IGFBP2: variants seen among roughly 807,000 people sequenced by gnomAD.
IGFBP2 encodes the protein insulin like growth factor binding protein 2, also known as insulin-like growth factor-binding protein 2.
IGFBP2 carries 12 observed loss-of-function variants against 26.2 expected under a neutral mutation model. That is an observed-to-expected ratio of 0.46 (90% CI 0.29 to 0.74). The LOEUF is 0.74. Among genes scored for constraint, IGFBP2 ranks in the 30% least tolerant of loss-of-function variants. The pLI, the probability that IGFBP2 is intolerant of heterozygous loss-of-function variation, is 0.09. For missense variants in IGFBP2, 328 were observed against 441.2 expected (o/e 0.74, Z 2.30); for synonymous variants, 189 against 200.6 (o/e 0.94, Z 0.49).
At chr2:216,641,688 ATTTT>A (rs71401159) in intron 1 of IGFBP2, among the ~76,000 whole-genome samples, 1 of 133,388 alleles carries the variant, frequency 7.5e-6, no homozygotes. Context: ...TCGGGCTTGC[ATTTT>A]TTTTTTTTTT....
chr2:216,651,724 T>G (rs1697828233), intron 1 of IGFBP2, among the ~76,000 whole-genome samples: 1 of 152,236 alleles, frequency 6.6e-6, no homozygotes, highest in African/African-American at 2.4e-5. Context: ...AGATATAACT[T>G]TTATTTACCC....
chr2:216,651,659 C>T (rs573046879), intron 1 of IGFBP2, among the ~76,000 whole-genome samples: 1 of 152,312 alleles, frequency 6.6e-6, no homozygotes, highest in East Asian at 1.9e-4. Flanking sequence ...TCATTTTTTC[C>T]ATGCATTTGG....
At chr2:216,638,889 A>T (rs1347136498) in intron 1 of IGFBP2, among the ~76,000 whole-genome samples, 1 of 148,482 alleles carries the variant, frequency 6.7e-6, no homozygotes, top group Non-Finnish European at 1.5e-5. Flanking sequence ...TTTAGTAGAG[A>T]CGGGGTTTCA....
chr2:216,642,369 C>T lies in IGFBP2; in HGVS notation c.442+8404C>T, dbSNP rs566831813. ...TCACCCAGGCTGGAGTGCAGTGGCGCGATCTCGGCTCACTGCAAGCCCGCC... is the reference window on the plus strand; with the variant it reads ...TCACCCAGGCTGGAGTGCAGTGGCGTGATCTCGGCTCACTGCAAGCCCGCC... On this transcript the variant is annotated intron_variant, in intron 1 of 3. Coordinates refer to ENST00000233809, the MANE Select transcript of IGFBP2 (RefSeq NM_000597.3). Among the ~76,000 whole-genome samples, 673 of 145,470 alleles carry T rather than the reference C, an allele frequency of 4.6e-3. 7 individuals carry two copies. Among genetic ancestry groups the T allele is most frequent in the African/African-American group, 0.017 (639 of 38,270 alleles).
chr2:216,662,370 G>C (rs368201900), intron 3 of IGFBP2: 14 of 257,674 alleles, frequency 5.4e-5, no homozygotes, highest in South Asian at 5.2e-4. Flanking sequence ...TGGTAGGTCA[G>C]GTTTACAGCT....
chr2:216,654,561 A>G (rs1396480123), intron 1 of IGFBP2, among the ~76,000 whole-genome samples: 2 of 152,222 alleles, frequency 1.3e-5, no homozygotes, highest in African/African-American at 4.8e-5. Flanking sequence ...TTCTCAGCCT[A>G]CAATGCTTTC....
chr2:216,661,708 C>CT, intron 2 of IGFBP2, 150 bp from the exon 3 acceptor site: 1 of 864,692 alleles, frequency 1.2e-6, no homozygotes, highest in Admixed American at 2.0e-5. Flanking sequence ...CCCGGGCAGG[C>CT]TGTCAGAAGT....
chr2:216,661,917 G>T lies in IGFBP2; in HGVS notation c.732G>T (p.Pro244=). The change falls in exon 3 of 4, where the codon CCG becomes CCT. Residue 244 remains proline, a synonymous_variant. Transcript: ENST00000233809. ...AGCGGATCTCCACCATGCGCCTTCCGGATGAGCGGGGCCCTCTGGAGCACC... is the reference window on the plus strand; with the variant it reads ...AGCGGATCTCCACCATGCGCCTTCCTGATGAGCGGGGCCCTCTGGAGCACC... The part of the protein sequence containing the change: ...VLERISTMRL[P]DERGPLEHLY... 6.2e-7 allele frequency: 1 copy of T among 1,614,166 alleles called. No homozygotes were observed. The highest frequency in any genetic ancestry group is 8.5e-7 in the Non-Finnish European group (1 of 1,180,008).
intron 1 of IGFBP2, among the ~76,000 whole-genome samples, chr2:216,653,746 C>G (rs1273327318): frequency 6.6e-6 from 1 of 152,200 alleles, no homozygotes; most frequent in Non-Finnish European, 1.5e-5. Flanking sequence ...AAGCCCCCGA[C>G]TAATGGCTCT....
rs755721834 is a variant in IGFBP2 at position 216,634,006 on chromosome 2, G to T, written c.442+41G>T. 3.9e-6 allele frequency: 6 copies of T among 1,545,648 alleles called. No individual in the cohort carries two copies. In the South Asian group the frequency reaches 7.1e-5, roughly 18 times the overall value. ...ACAAGTAGTTGGGAGAAACTTGGAG[G>T]GCAGCGGAGAAGCCCGACGGGCGGC... On this transcript the variant is annotated intron_variant, in intron 1 of 3. Transcript: ENST00000233809.
At chr2:216,642,700 T>C (rs1697640888) in intron 1 of IGFBP2, among the ~76,000 whole-genome samples, 1 of 152,182 alleles carries the variant, frequency 6.6e-6, no homozygotes, top group African/African-American at 2.4e-5. Context: ...GGAGCTTCTG[T>C]CTGCAGTGTC....
chr2:216,637,408 GT>G (rs1401732455), intron 1 of IGFBP2, among the ~76,000 whole-genome samples: 1 of 152,244 alleles, frequency 6.6e-6, no homozygotes, highest in Non-Finnish European at 1.5e-5. Context: ...GAGGCAAGTG[GT>G]GTTCTTTCTG....
chr2:216,657,730 C>T (rs143254075), intron 1 of IGFBP2, among the ~76,000 whole-genome samples: 2,751 of 152,284 alleles, frequency 0.018, 34 homozygotes, highest in South Asian at 0.059. Context: ...AGCCTGGAGG[C>T]GCACGCTAAA....
At chr2:216,661,239 A>G (rs1156424922) in intron 2 of IGFBP2, 1 of 265,524 alleles carries the variant, frequency 3.8e-6, no homozygotes, top group East Asian at 1.0e-4. Context: ...AACAGCTGGG[A>G]CTATAGGCAT....
At chr2:216,642,491 A>G (rs989210357) in intron 1 of IGFBP2, among the ~76,000 whole-genome samples, 9 of 149,616 alleles carry the variant, frequency 6.0e-5, no homozygotes, top group African/African-American at 2.2e-4. Flanking sequence ...TATTTTTAGT[A>G]GAGACGGGGT....
intron 2 of IGFBP2, 28 bp downstream of exon 2, chr2:216,660,814 G>A: frequency 6.5e-7 from 1 of 1,532,992 alleles, no homozygotes. Context: ...CTGGTGGAAG[G>A]GGTGGGAGGA....
intron 1 of IGFBP2, among the ~76,000 whole-genome samples, chr2:216,658,118 T>C (rs1559179799): frequency 6.6e-6 from 1 of 152,200 alleles, no homozygotes; most frequent in African/African-American, 2.4e-5. Flanking sequence ...TTTGTATGTT[T>C]TGTTTTCTTA....
rs554375047 is a variant in IGFBP2 at position 216,660,906 on chromosome 2, T to G, written c.672+120T>G. 1.9e-4 allele frequency: 140 copies of G among 741,022 alleles called. 1 individual carries two copies. The highest frequency in any genetic ancestry group is 2.9e-4 in the Non-Finnish European group (128 of 448,970). The allele number at this position is 741,022 out of a possible 1,614,324, so 45.9% of individuals were successfully genotyped here. A position where few individuals can be genotyped will look rare whatever the true frequency, so the allele number is the denominator to read the frequency against. Reference sequence around the variant, plus strand: ...GTGACCTGTAGGCAAAGCACTTTTCTTTCCACAAACATAGTTGTGGAACAT... The same window carrying G: ...GTGACCTGTAGGCAAAGCACTTTTCGTTCCACAAACATAGTTGTGGAACAT... On this transcript the variant is annotated intron_variant, in intron 2 of 3. Transcript: ENST00000233809.
chr2:216,642,222 T>G (rs1184703977), intron 1 of IGFBP2, among the ~76,000 whole-genome samples: 1 of 151,460 alleles, frequency 6.6e-6, no homozygotes, highest in East Asian at 1.9e-4. Context: ...ATGGTCTCGA[T>G]CTCTTGACCT....
Sources: gnomAD v4.1 joint callset for allele counts (sites outside exome capture counted in the v4.1 genomes callset) on GRCh38, gnomAD v4.1.1 for gene constraint, MANE v1.5 for transcripts, NCBI Gene and HGNC (gene_info 2026-07-23, HGNC 2026-07-21) for gene names.